Variants in WARS1 observed in about 807,000 individuals in gnomAD.
WARS1 encodes tryptophan--tRNA ligase, cytoplasmic.
WARS1 carries 17 observed loss-of-function variants against 47.8 expected under a neutral mutation model. The ratio of observed to expected loss-of-function variants is 0.36; its 90% CI spans 0.24 to 0.53. The LOEUF (loss-of-function observed/expected upper bound fraction) is 0.53. WARS1 is among the 20% of genes least tolerant of loss of function. The pLI, the probability that WARS1 is intolerant of heterozygous loss-of-function variation, is 0.91. For synonymous variants in WARS1, 208 were observed against 228.1 expected (o/e 0.91, Z 0.79); for missense variants, 434 against 608.0 (o/e 0.71, Z 3.01).
rs60977618 is a variant in WARS1 at position 100,371,447 on chromosome 14, C to CAAAAAAAAAAA, written c.-73-2200_-73-2190dup. Among the ~76,000 whole-genome samples, 110 of 89,092 alleles carry CAAAAAAAAAAA rather than the reference C, an allele frequency of 1.2e-3. 3 individuals are homozygous for CAAAAAAAAAAA. Among genetic ancestry groups the CAAAAAAAAAAA allele is most frequent in the Admixed American group, 2.0e-3 (21 of 10,376 alleles). 58.4% of individuals were successfully genotyped at this position (89,092 alleles called of 152,430 possible). A position where few individuals can be genotyped will look rare whatever the true frequency, so the allele number is the denominator to read the frequency against. On this transcript the variant is annotated intron_variant, in intron 1 of 10. Transcript: ENST00000392882. ...CCTGGGTGACAGAAAGGTTCTGTCT[C>CAAAAAAAAAAA]AAAAAAAAAAAAAAAAAAAAGTAGG...
intron 2 of WARS1, among the ~76,000 whole-genome samples, chr14:100,363,614 T>C (rs1398114649): frequency 6.6e-6 from 1 of 152,118 alleles, no homozygotes; most frequent in African/African-American, 2.4e-5. Flanking sequence ...AGAGGATTGC[T>C]TGAGCCAGGG....
chr14:100,354,316 A>G (rs1852362015), intron 5 of WARS1, 131 bp downstream of exon 5: 2 of 1,377,826 alleles, frequency 1.5e-6, no homozygotes, highest in South Asian at 2.9e-5. Context: ...AAGCCAAAAA[A>G]GTGCCAACTC....
chr14:100,344,208 G>A (rs947299913), intron 7 of WARS1, among the ~76,000 whole-genome samples: 6 of 152,184 alleles, frequency 3.9e-5, no homozygotes, highest in Middle Eastern at 3.4e-3. Context: ...TCAGCCTGCC[G>A]AGTGCCTGCA....
At chr14:100,354,020 A>C in intron 5 of WARS1, 151 bp from the exon 6 acceptor site, 1 of 688,450 alleles carries the variant, frequency 1.5e-6, no homozygotes, top group Non-Finnish European at 2.4e-6. Flanking sequence ...GAATTTGACT[A>C]TGGATAATGA....
intron 2 of WARS1, chr14:100,366,847 A>G: frequency 6.3e-7 from 1 of 1,589,642 alleles, no homozygotes; most frequent in South Asian, 1.1e-5. Context: ...TCAAATGGGG[A>G]TTTGCTGCAT....
intron 6 of WARS1, among the ~76,000 whole-genome samples, chr14:100,348,624 AG>A (rs1464951043): frequency 6.6e-6 from 1 of 152,140 alleles, no homozygotes; most frequent in East Asian, 1.9e-4. Context: ...GCAGGCAGGG[AG>A]GGTCCCTCCT....
chr14:100,361,871 G>C lies in WARS1; in HGVS notation c.150C>G (p.Tyr50Ter). ...TGTAATCCTCCCCCGCGGCAGCTTT[G>C]TAGCTCATTTTTAATGACACCAACA... ...VKMLVSLKMSYKAAAGEDYKA... is the reference protein window; with the variant it reads ...VKMLVSLKMS The change falls in exon 3 of 11, where the codon TAC becomes TAG. Residue 50 changes from tyrosine (Y) to a stop codon, truncating the protein, a stop_gained. Coordinates refer to ENST00000392882, the MANE Select transcript of WARS1 (RefSeq NM_004184.4). LOFTEE classifies it high-confidence loss of function. 6.2e-7 allele frequency: 1 copy of C among 1,614,190 alleles called. No homozygotes were observed. The highest frequency in any genetic ancestry group is 8.5e-7 in the Non-Finnish European group (1 of 1,180,038).
chr14:100,345,347 G>C (rs902143045), intron 7 of WARS1, among the ~76,000 whole-genome samples: 3 of 152,184 alleles, frequency 2.0e-5, no homozygotes, highest in African/African-American at 7.2e-5. Flanking sequence ...TTATCCTGTT[G>C]ATCTGTGACC....
chr14:100,355,112 G>C (rs1343605276), intron 4 of WARS1, among the ~76,000 whole-genome samples: 1 of 152,140 alleles, frequency 6.6e-6, no homozygotes, highest in Non-Finnish European at 1.5e-5. Flanking sequence ...TCACTCAAGA[G>C]TCATCCCCCT....
intron 8 of WARS1, among the ~76,000 whole-genome samples, chr14:100,342,890 A>C (rs1894269669): frequency 7.0e-6 from 1 of 143,150 alleles, no homozygotes; most frequent in Non-Finnish European, 1.5e-5. Context: ...CCCTTGCCCC[A>C]CTCCCCAACT....
chr14:100,369,153 C>A lies in WARS1; in HGVS notation c.33G>T (p.Glu11Asp), dbSNP rs774852124. MPNSEPASLL[E>D]LFNSIATQGE... ...CTTGTGTGGCGATGCTGTTGAACAG[C>A]TCCAGCAGAGATGCGGGCTCACTGT... Residue 11 changes from glutamate to aspartate, a missense_variant, in exon 2 of 11, where the codon GAG becomes GAT. Physicochemically the swap from Glu to Asp is conservative, Grantham distance 45. Coordinates refer to ENST00000392882, the MANE Select transcript of WARS1 (RefSeq NM_004184.4). 1.0e-5 allele frequency: 16 copies of A among 1,554,214 alleles called. No homozygotes were observed. The highest frequency in any genetic ancestry group is 2.4e-5 in the East Asian group (1 of 42,252).
chr14:100,352,862 T>C (rs1318234844), intron 6 of WARS1: 2 of 152,242 alleles, frequency 1.3e-5, no homozygotes, highest in Non-Finnish European at 2.9e-5. Flanking sequence ...TTGGTAATCA[T>C]TTGGGATGAA....
chr14:100,364,933 CT>C (rs1258614689), intron 2 of WARS1, among the ~76,000 whole-genome samples: 6 of 151,798 alleles, frequency 4.0e-5, no homozygotes, highest in East Asian at 1.9e-4. Flanking sequence ...AAAAAAGTAA[CT>C]TTTTTTTGAC....
chr14:100,337,833 C>A (rs943051733), intron 9 of WARS1, among the ~76,000 whole-genome samples: 1 of 151,704 alleles, frequency 6.6e-6, no homozygotes, highest in South Asian at 2.1e-4. Flanking sequence ...ACGCCAGCCT[C>A]GGCGACAGAG....
chr14:100,345,115 C>T lies in WARS1; in HGVS notation c.826+1631G>A, dbSNP rs1324688648. Among the ~76,000 whole-genome samples, 6 of 149,340 alleles carry T rather than the reference C, an allele frequency of 4.0e-5. No homozygotes were observed. The South Asian group carries it at 1.3e-3, about 32-fold the overall frequency. ...GGTGAGGGGCGCCTCTGCCCGGCCG[C>T]CCCTACTGGGAAGTGAGGAGCCCCT... On this transcript the variant is annotated intron_variant, in intron 7 of 10. Coordinates refer to ENST00000392882, the MANE Select transcript of WARS1 (RefSeq NM_004184.4).
chr14:100,375,288 T>A lies in WARS1; in HGVS notation c.-79A>T, dbSNP rs1896588978. ...GCAAAGATGGCAATACATACCCAGG[T>A]TGTGGAAGACACTGCAGAGGTGGCC... is the stretch of plus-strand genomic sequence containing the variant. On this transcript the variant is annotated 5_prime_UTR_variant, in exon 1 of 11. Transcript: ENST00000392882. 1 of 152,254 alleles carries A rather than the reference T, an allele frequency of 6.6e-6. No individual in the cohort carries two copies. Among genetic ancestry groups the A allele is most frequent in the Admixed American group, 6.5e-5 (1 of 15,284 alleles). The allele number at this position is 152,254 out of a possible 1,614,324, so 9.4% of individuals were successfully genotyped here. A position where few individuals can be genotyped will look rare whatever the true frequency, so the allele number is the denominator to read the frequency against.
intron 4 of WARS1, among the ~76,000 whole-genome samples, chr14:100,358,170 C>T (rs8009443): frequency 0.68 from 103,841 of 151,786 alleles, 36,721 homozygotes; most frequent in Admixed American, 0.81. Context: ...AGTCTCACTG[C>T]CACCCAGGCT....
intron 2 of WARS1, among the ~76,000 whole-genome samples, chr14:100,364,835 C>A (rs1440894564): frequency 6.6e-6 from 1 of 152,176 alleles, no homozygotes; most frequent in East Asian, 1.9e-4. Context: ...CATAACCCCA[C>A]TGGGTCTTTT....
chr14:100,357,709 C>T (rs1290596409), intron 4 of WARS1, among the ~76,000 whole-genome samples: 1 of 152,130 alleles, frequency 6.6e-6, no homozygotes, highest in African/African-American at 2.4e-5. Context: ...GATCCACCCG[C>T]CTCGGCCTCC....
Sources: allele counts gnomAD v4.1 joint callset (sites outside exome capture counted in the v4.1 genomes callset), GRCh38; gene constraint gnomAD v4.1.1; transcripts MANE v1.5; gene names NCBI Gene and HGNC (gene_info 2026-07-23, HGNC 2026-07-21).